The following GALNT13 variants were observed in gnomAD, a reference collection of about 807,000 sequenced individuals.
GALNT13 encodes UDP-GalNAc:polypeptide N-acetylgalactosaminyltransferase 13.
A neutral mutation model predicts 64.2 loss-of-function variants in GALNT13; 28 were observed. The ratio of observed to expected loss-of-function variants is 0.44; its 90% CI spans 0.32 to 0.60. GALNT13 has a LOEUF of 0.60. GALNT13 is among the 20% of genes least tolerant of loss of function. The pLI is 0.05. For missense variants in GALNT13, 577 were observed against 669.8 expected (o/e 0.86, Z 1.53); for synonymous variants, 214 against 224.6 (o/e 0.95, Z 0.42).
At chr2:153,931,066 AGTGTGTGTGTGTGTGTGT>A (rs59409947) in intron 2 of GALNT13, among the ~76,000 whole-genome samples, 2 of 138,288 alleles carry the variant, frequency 1.4e-5, no homozygotes, top group Non-Finnish European at 3.1e-5. Flanking sequence ...TGTATTCCTA[AGTGTGTGTGTGTGTGTGT>A]GTGTGTGTGT....
the GALNT13 span, among the ~76,000 whole-genome samples, chr2:153,167,627 GTGTCTT>G: frequency 6.6e-6 from 1 of 152,116 alleles, no homozygotes; most frequent in Non-Finnish European, 1.5e-5. Flanking sequence ...TCATTCTTCT[GTGTCTT>G]CCAGAAACAA....
chr2:153,661,420 A>T, the GALNT13 span, among the ~76,000 whole-genome samples: 2 of 152,184 alleles, frequency 1.3e-5, no homozygotes, highest in Non-Finnish European at 2.9e-5. Flanking sequence ...AAATGTCTAG[A>T]TTCACACCTG....
chr2:154,270,662 A>T (rs1691304260), intron 8 of GALNT13, among the ~76,000 whole-genome samples: 1 of 151,928 alleles, frequency 6.6e-6, no homozygotes, highest in South Asian at 2.1e-4. Context: ...AATATTCCTG[A>T]CAGCTAAAGT....
the GALNT13 span, among the ~76,000 whole-genome samples, chr2:153,451,778 G>T: frequency 6.6e-6 from 1 of 152,212 alleles, no homozygotes; most frequent in African/African-American, 2.4e-5. Flanking sequence ...AATGACTGCT[G>T]CTTTCCCTTC....
chr2:153,553,239 G>GTTGTGGCTCACACC, the GALNT13 span, among the ~76,000 whole-genome samples: 3 of 152,042 alleles, frequency 2.0e-5, no homozygotes, highest in African/African-American at 7.3e-5. Flanking sequence ...TTGGCCACAT[G>GTTGTGGCTCACACC]TGTAATCCCA....
At chr2:153,930,877 G>T (rs1690465978) in intron 2 of GALNT13, among the ~76,000 whole-genome samples, 1 of 152,052 alleles carries the variant, frequency 6.6e-6, no homozygotes, top group South Asian at 2.1e-4. Context: ...TTGGTAGTTT[G>T]ATAGGAATGG....
the GALNT13 span, among the ~76,000 whole-genome samples, chr2:153,447,847 A>G: frequency 6.6e-6 from 1 of 152,192 alleles, no homozygotes; most frequent in Non-Finnish European, 1.5e-5. Flanking sequence ...CTCTTGATAT[A>G]TATTATGAGG....
intron 7 of GALNT13, among the ~76,000 whole-genome samples, chr2:154,249,202 A>G (rs1365182321): frequency 6.6e-6 from 1 of 152,208 alleles, no homozygotes; most frequent in Non-Finnish European, 1.5e-5. Context: ...GTTTGATTCC[A>G]TACAAAAACA....
At chr2:153,165,428 G>C in the GALNT13 span, among the ~76,000 whole-genome samples, 1 of 152,070 alleles carries the variant, frequency 6.6e-6, no homozygotes, top group East Asian at 1.9e-4. Context: ...ACCATAAACT[G>C]CTACAAACAG....
the GALNT13 span, among the ~76,000 whole-genome samples, chr2:153,678,826 G>A: frequency 6.6e-6 from 1 of 151,934 alleles, no homozygotes; most frequent in East Asian, 2.0e-4. Flanking sequence ...GGGACAGACA[G>A]GGGTAGGTTT....
At chr2:153,463,329 G>A in the GALNT13 span, among the ~76,000 whole-genome samples, 1 of 152,004 alleles carries the variant, frequency 6.6e-6, no homozygotes, top group Non-Finnish European at 1.5e-5. Context: ...TCAAATTCAG[G>A]ACAAAAATAG....
At chr2:154,142,265 CT>C (rs1683299382) in intron 4 of GALNT13, among the ~76,000 whole-genome samples, 1 of 151,808 alleles carries the variant, frequency 6.6e-6, no homozygotes, top group African/African-American at 2.4e-5. Flanking sequence ...ATATGAAAAC[CT>C]TGGCTGGGCT....
the GALNT13 span, among the ~76,000 whole-genome samples, chr2:153,363,194 A>C: frequency 6.6e-6 from 1 of 152,134 alleles, no homozygotes; most frequent in Admixed American, 6.5e-5. Context: ...AGGAGAAGAA[A>C]GGCACAATGT....
chr2:153,364,253 T>C, the GALNT13 span, among the ~76,000 whole-genome samples: 1 of 152,274 alleles, frequency 6.6e-6, no homozygotes, highest in South Asian at 2.1e-4. Context: ...TAATAGGAGC[T>C]GTTTATGACA....
the GALNT13 span, among the ~76,000 whole-genome samples, chr2:153,246,523 C>G: frequency 2.0e-5 from 3 of 152,132 alleles, no homozygotes; most frequent in Admixed American, 2.0e-4. Context: ...AATTTTCAAC[C>G]CAGAATTTCA....
the GALNT13 span, among the ~76,000 whole-genome samples, chr2:153,247,044 A>G: frequency 6.6e-6 from 1 of 152,220 alleles, no homozygotes; most frequent in Non-Finnish European, 1.5e-5. Context: ...ATCAAAAAAT[A>G]AAAAAAGCAT....
chr2:154,418,420 G>A (rs1476791126), intron 11 of GALNT13, among the ~76,000 whole-genome samples: 1 of 152,158 alleles, frequency 6.6e-6, no homozygotes, highest in Non-Finnish European at 1.5e-5. Flanking sequence ...TATCTAGATA[G>A]CCGCGCTACC....
chr2:153,853,659 A>G, the GALNT13 span, among the ~76,000 whole-genome samples: 2 of 151,586 alleles, frequency 1.3e-5, no homozygotes, highest in East Asian at 1.9e-4. Context: ...AGTAATATAC[A>G]CTGTGTGATT....
the GALNT13 span, among the ~76,000 whole-genome samples, chr2:153,569,108 G>A: frequency 6.6e-6 from 1 of 151,940 alleles, no homozygotes; most frequent in Non-Finnish European, 1.5e-5. Context: ...AGGTTTTTTT[G>A]GGGGGTACAG....
Sources: gnomAD v4.1 joint callset for allele counts (sites outside exome capture counted in the v4.1 genomes callset) on GRCh38, gnomAD v4.1.1 for gene constraint, MANE v1.5 for transcripts, NCBI Gene and HGNC (gene_info 2026-07-23, HGNC 2026-07-21) for gene names.